Variants in ST6GAL1 observed in about 807,000 individuals in gnomAD.
ST6GAL1 encodes ST6 beta-galactoside alpha-2,6-sialyltransferase 1, also known as beta-galactoside alpha-2,6-sialyltransferase 1.
A neutral mutation model predicts 38.0 loss-of-function variants in ST6GAL1; 20 were observed. The ratio of observed to expected loss-of-function variants is 0.53; its 90% confidence interval spans 0.37 to 0.77. ST6GAL1 has a LOEUF of 0.77. ST6GAL1 is among the 30% of genes least tolerant of loss of function. The pLI is 0.00. For synonymous variants in ST6GAL1, 196 were observed against 188.2 expected (o/e 1.04, Z -0.34); for missense variants, 432 against 496.4 (o/e 0.87, Z 1.23).
At chr3:186,958,127 TGAG>T (rs149464445) in intron 1 of ST6GAL1, among the ~76,000 whole-genome samples, 1,735 of 152,132 alleles carry the variant, frequency 0.011, 20 homozygotes, top group Non-Finnish European at 0.018. Flanking sequence ...GTTGGAATGT[TGAG>T]GGCTGAATTC....
chr3:187,033,537 T>A (rs897919772), intron 2 of ST6GAL1, among the ~76,000 whole-genome samples: 1 of 152,248 alleles, frequency 6.6e-6, no homozygotes, highest in Non-Finnish European at 1.5e-5. Context: ...TACATATCTT[T>A]TAAGTCACCA....
intron 1 of ST6GAL1, among the ~76,000 whole-genome samples, chr3:186,931,823 A>G (rs888625198): frequency 6.6e-6 from 1 of 152,252 alleles, no homozygotes; most frequent in Non-Finnish European, 1.5e-5. Flanking sequence ...GAGACCTCGT[A>G]TTCTAGCTGG....
At chr3:187,007,442 A>G (rs1004977531) in intron 2 of ST6GAL1, among the ~76,000 whole-genome samples, 2 of 152,236 alleles carry the variant, frequency 1.3e-5, no homozygotes, top group Non-Finnish European at 2.9e-5. Flanking sequence ...CATGTGACAG[A>G]TTGACTCAAA....
Position 187,057,111 on chromosome 3 carries a change from G to A in ST6GAL1, c.705+5765G>A, listed in dbSNP as rs371399875. Among the ~76,000 whole-genome samples, 43 of 152,212 alleles carry A rather than the reference G, an allele frequency of 2.8e-4. 1 individual carries two copies. Among genetic ancestry groups the A allele is most frequent in the South Asian group, 2.7e-3 (13 of 4,818 alleles). On this transcript the variant is annotated intron_variant, in intron 5 of 7. Transcript: ENST00000169298. ...GATCGCATTGGCTATTGAAGCTTGT[G>A]CATGCATCTCGTAGTTCTTAAGCCA...
chr3:186,989,860 A>G (rs1051792378), intron 2 of ST6GAL1, among the ~76,000 whole-genome samples: 2 of 152,190 alleles, frequency 1.3e-5, no homozygotes, highest in African/African-American at 4.8e-5. Flanking sequence ...GACCTCCTGG[A>G]TGTCCTTCCA....
intron 1 of ST6GAL1, among the ~76,000 whole-genome samples, chr3:186,955,056 C>T (rs1423426773): frequency 6.6e-6 from 1 of 152,198 alleles, no homozygotes; most frequent in Non-Finnish European, 1.5e-5. Context: ...TATGGATAGC[C>T]AATTTTCCCA....
intron 2 of ST6GAL1, among the ~76,000 whole-genome samples, chr3:186,976,495 T>C (rs1269805300): frequency 2.0e-5 from 3 of 152,212 alleles, no homozygotes; most frequent in African/African-American, 7.2e-5. Flanking sequence ...AGTGGCACTA[T>C]CTCGGCTCAC....
In ST6GAL1 at chr3:187,075,313, A is replaced by G. The variant is rs781173086; in HGVS notation, c.980-249A>G. ...ATCTACTAGCATTTAGGGAGGATCTATTATTCACCAGGCCCTGGCCTAGGT... is the reference window on the plus strand; with the variant it reads ...ATCTACTAGCATTTAGGGAGGATCTGTTATTCACCAGGCCCTGGCCTAGGT... On this transcript the variant is annotated intron_variant, in intron 7 of 7. Transcript: ENST00000169298. The surrounding 1 kb of genome is among the most constrained non-coding windows in gnomAD (Gnocchi z 4.1). Among the ~76,000 whole-genome samples, 31 of 152,198 alleles carry G rather than the reference A, an allele frequency of 2.0e-4. No individual in the cohort carries two copies. Among genetic ancestry groups the G allele is most frequent in the East Asian group, 1.9e-4 (1 of 5,200 alleles).
chr3:187,060,208 T>C (rs1718861945), intron 5 of ST6GAL1, among the ~76,000 whole-genome samples: 1 of 152,166 alleles, frequency 6.6e-6, no homozygotes, highest in African/African-American at 2.4e-5. Flanking sequence ...TCACCCGGGC[T>C]GGAGTGCAGT....
Position 187,076,641 on chromosome 3 carries a change from G to T in ST6GAL1, c.*838G>T, listed in dbSNP as rs1246150472. 2.5e-5 allele frequency: 10 copies of T among 394,472 alleles called. No individual in the cohort carries two copies. The highest frequency in any genetic ancestry group is 8.8e-5 in the Admixed American group (2 of 22,600). The allele number at this position is 394,472 out of a possible 1,614,324, so 24.4% of individuals were successfully genotyped here. ...TTTGTGGATCAGAGAAGGCTTTATAGCACAGGGGGCATTCAGATGAGTCTT... is the reference window on the plus strand; with the variant it reads ...TTTGTGGATCAGAGAAGGCTTTATATCACAGGGGGCATTCAGATGAGTCTT... On this transcript the variant is annotated 3_prime_UTR_variant, in exon 8 of 8. Transcript: ENST00000169298.
chr3:186,984,251 G>A (rs975715632), intron 2 of ST6GAL1, among the ~76,000 whole-genome samples: 10 of 152,142 alleles, frequency 6.6e-5, no homozygotes, highest in African/African-American at 2.2e-4. Context: ...CATGAGCATC[G>A]CTCACTGGGA....
intron 2 of ST6GAL1, among the ~76,000 whole-genome samples, chr3:187,024,436 A>G (rs895467147): frequency 6.7e-6 from 1 of 148,558 alleles, no homozygotes; most frequent in East Asian, 2.0e-4. Flanking sequence ...TATACTCTAT[A>G]TATATATACA....
intron 1 of ST6GAL1, among the ~76,000 whole-genome samples, chr3:186,949,289 G>T (rs1248937887): frequency 6.6e-6 from 1 of 152,170 alleles, no homozygotes; most frequent in Non-Finnish European, 1.5e-5. Context: ...GAGCTGTGAC[G>T]TGGCAGCCAG....
intron 5 of ST6GAL1, among the ~76,000 whole-genome samples, chr3:187,066,738 T>C (rs767094515): frequency 1.3e-5 from 2 of 152,100 alleles, no homozygotes; most frequent in Non-Finnish European, 2.9e-5. Context: ...TGCCCTGGTG[T>C]AGCCTTTTCC....
intron 7 of ST6GAL1, 135 bp downstream of exon 7, chr3:187,074,468 AC>A: frequency 1.0e-6 from 1 of 954,922 alleles, no homozygotes; most frequent in Non-Finnish European, 1.5e-6. Context: ...CTGCTTGTAG[AC>A]CATGCCAAGT....
intron 2 of ST6GAL1, among the ~76,000 whole-genome samples, chr3:187,026,317 G>T (rs375589420): frequency 8.5e-5 from 13 of 152,298 alleles, no homozygotes; most frequent in African/African-American, 3.1e-4. Context: ...GCCTGGGCAG[G>T]CTCCTCTGGG....
chr3:187,072,438 T>G, intron 5 of ST6GAL1: 1 of 288,924 alleles, frequency 3.5e-6, no homozygotes, highest in Non-Finnish European at 6.8e-6. Context: ...GATGTGTATG[T>G]AGTGTACTGG....
intron 5 of ST6GAL1, among the ~76,000 whole-genome samples, chr3:187,070,328 AG>A (rs561744077): frequency 2.1e-3 from 325 of 151,682 alleles, no homozygotes; most frequent in African/African-American, 7.5e-3. Context: ...TCACACATTC[AG>A]GGGTTTGCAC....
intron 2 of ST6GAL1, among the ~76,000 whole-genome samples, chr3:186,968,251 C>T (rs1715219278): frequency 6.6e-6 from 1 of 151,990 alleles, no homozygotes; most frequent in South Asian, 2.1e-4. Flanking sequence ...TAAAATGGGC[C>T]GAATAATACC....
Sources: allele counts gnomAD v4.1 joint callset (sites outside exome capture counted in the v4.1 genomes callset), GRCh38; gene constraint gnomAD v4.1.1; non-coding constraint Gnocchi (gnomAD v3.1); transcripts MANE v1.5; gene names NCBI Gene and HGNC (gene_info 2026-07-23, HGNC 2026-07-21).